The following MDGA2 variants were observed in gnomAD, a reference collection of about 807,000 sequenced individuals.
MDGA2 encodes the protein MAM domain containing glycosylphosphatidylinositol anchor 2, also known as MAM domain-containing glycosylphosphatidylinositol anchor protein 2.
MDGA2 carries 40 observed loss-of-function variants against 117.8 expected under a neutral mutation model. The observed-to-expected ratio is 0.34, with a 90% CI of 0.26 to 0.44. MDGA2 has a LOEUF of 0.44. Ranked by LOEUF, MDGA2 falls within the 20% of genes least tolerant of loss-of-function variation. The probability of loss-of-function intolerance (pLI) is 1.00; values close to 1 mark genes in which losing one functional copy is unlikely to be tolerated. For missense variants in MDGA2, 1,123 were observed against 1,250.6 expected, an observed-to-expected ratio of 0.90 and a Z score of 1.54; for synonymous variants, 452 against 439.0, an observed-to-expected ratio of 1.03 and a Z score of -0.37.
At chr14:47,371,935 C>T (rs1270309163) in intron 1 of MDGA2, among the ~76,000 whole-genome samples, 1 of 151,494 alleles carries the variant, frequency 6.6e-6, no homozygotes. Context: ...ATACTGTAAT[C>T]TTTCAATTAT....
chr14:47,329,494 C>T (rs1890235576), intron 1 of MDGA2, among the ~76,000 whole-genome samples: 2 of 152,046 alleles, frequency 1.3e-5, no homozygotes, highest in Non-Finnish European at 2.9e-5. Context: ...AGTTGATATT[C>T]TTCAAAAGCT....
chr14:47,251,295 T>C (rs78857640), intron 2 of MDGA2, among the ~76,000 whole-genome samples: 3,369 of 152,262 alleles, frequency 0.022, 120 homozygotes, highest in African/African-American at 0.076. Context: ...TTCACATGGA[T>C]CAGGTCTTTC....
intron 10 of MDGA2, among the ~76,000 whole-genome samples, chr14:46,891,759 T>G (rs1882892815): frequency 6.6e-6 from 1 of 151,582 alleles, no homozygotes; most frequent in Non-Finnish European, 1.5e-5. Context: ...AAAATTCTAG[T>G]AACTACAATT....
intron 1 of MDGA2, among the ~76,000 whole-genome samples, chr14:47,427,512 T>C (rs1408378714): frequency 2.8e-5 from 4 of 141,816 alleles, no homozygotes; most frequent in African/African-American, 1.0e-4. Context: ...TGTCATTTTG[T>C]AATTATTCAT....
intron 2 of MDGA2, among the ~76,000 whole-genome samples, chr14:47,218,427 A>G (rs1049739245): frequency 1.3e-5 from 2 of 152,186 alleles, no homozygotes; most frequent in Non-Finnish European, 2.9e-5. Context: ...GAATTCATCA[A>G]TTGCCTAGTC....
At chr14:47,649,282 A>G (rs1897592866) in intron 1 of MDGA2, among the ~76,000 whole-genome samples, 1 of 152,186 alleles carries the variant, frequency 6.6e-6, no homozygotes, top group African/African-American at 2.4e-5. Context: ...AAGTTTATCT[A>G]TAGACAAATT....
At chr14:47,316,805 T>C (rs1413017621) in intron 1 of MDGA2, among the ~76,000 whole-genome samples, 2 of 152,096 alleles carry the variant, frequency 1.3e-5, no homozygotes, top group East Asian at 3.9e-4. Flanking sequence ...TAAAATGGCA[T>C]TTTCCATACT....
chr14:46,911,356 G>GTACAACAAAAC (rs1883694532), intron 10 of MDGA2, among the ~76,000 whole-genome samples: 1 of 152,146 alleles, frequency 6.6e-6, no homozygotes, highest in Non-Finnish European at 1.5e-5. Flanking sequence ...GTCCATTACT[G>GTACAACAAAAC]AGTAGTTGTA....
intron 8 of MDGA2, among the ~76,000 whole-genome samples, chr14:47,018,306 CT>C (rs1421526053): frequency 6.6e-6 from 1 of 151,856 alleles, no homozygotes; most frequent in Non-Finnish European, 1.5e-5. Flanking sequence ...TGGCTTAGCA[CT>C]AAGGATAAAG....
chr14:46,874,115 A>G lies in MDGA2; in HGVS notation c.2523T>C (p.Ser841=), dbSNP rs763544335. ...DTDNFDWTKQ[S]TATRNTKYTP... is the part of the protein sequence containing the mutation. ...TATATTTTGTATTTCTTGTTGCTGT[A>G]CTTTGCTTTGTCCAGTCAAAATTAT... The change falls in exon 13 of 17, where the codon AGT becomes AGC. Residue 841 remains serine, a synonymous_variant. Coordinates refer to ENST00000399232, the MANE Select transcript of MDGA2 (RefSeq NM_001113498.3). 1.3e-6 allele frequency: 2 copies of G among 1,555,702 alleles called. No individual in the cohort carries two copies. The highest frequency in any genetic ancestry group is 1.7e-6 in the Non-Finnish European group (2 of 1,152,560).
intron 1 of MDGA2, among the ~76,000 whole-genome samples, chr14:47,628,877 T>C (rs1306897854): frequency 6.6e-6 from 1 of 152,184 alleles, no homozygotes; most frequent in African/African-American, 2.4e-5. Flanking sequence ...GCAGGGACAC[T>C]CATACTCCAC....
chr14:47,063,749 T>G (rs1055740035), intron 6 of MDGA2, among the ~76,000 whole-genome samples: 1 of 150,304 alleles, frequency 6.7e-6, no homozygotes, highest in Non-Finnish European at 1.5e-5. Context: ...TTATTGCATA[T>G]AATAATTTAT....
At chr14:47,195,490 A>ATT (rs1885256795) in intron 3 of MDGA2, among the ~76,000 whole-genome samples, 1 of 152,064 alleles carries the variant, frequency 6.6e-6, no homozygotes, top group African/African-American at 2.4e-5. Context: ...GCCATGGGAA[A>ATT]ATGATAAATA....
chr14:47,405,442 TTC>T (rs1892241349), intron 1 of MDGA2, among the ~76,000 whole-genome samples: 8 of 152,194 alleles, frequency 5.3e-5, no homozygotes, highest in Admixed American at 5.2e-4. Context: ...GAATTAATCA[TTC>T]ATTTCTCTTT....
intron 1 of MDGA2, among the ~76,000 whole-genome samples, chr14:47,433,349 G>A (rs908455607): frequency 5.9e-5 from 9 of 151,986 alleles, no homozygotes; most frequent in African/African-American, 1.4e-4. Flanking sequence ...AAGAAAAAAC[G>A]TGATGTTCCT....
intron 7 of MDGA2, chr14:47,058,501 A>T: frequency 1.0e-6 from 1 of 983,088 alleles, no homozygotes; most frequent in Non-Finnish European, 1.2e-6. Flanking sequence ...CAGGGTTCAT[A>T]AAATTGATAT....
chr14:47,005,027 A>G (rs1472163769), intron 8 of MDGA2, among the ~76,000 whole-genome samples: 1 of 151,654 alleles, frequency 6.6e-6, no homozygotes, highest in East Asian at 1.9e-4. Context: ...TATTATTTAC[A>G]TAGATGATAA....
intron 8 of MDGA2, among the ~76,000 whole-genome samples, chr14:46,997,494 A>G (rs905593896): frequency 3.3e-5 from 5 of 152,184 alleles, no homozygotes; most frequent in African/African-American, 1.2e-4. Context: ...TATTACTTAA[A>G]TAACATTTGG....
intron 1 of MDGA2, among the ~76,000 whole-genome samples, chr14:47,647,683 C>T (rs904822511): frequency 1.3e-5 from 2 of 152,074 alleles, no homozygotes; most frequent in East Asian, 1.9e-4. Flanking sequence ...TGCCACTTTT[C>T]GCCTACCACA....
Sources: gnomAD v4.1 joint callset for allele counts (sites outside exome capture counted in the v4.1 genomes callset) on GRCh38, gnomAD v4.1.1 for gene constraint, MANE v1.5 for transcripts, NCBI Gene and HGNC (gene_info 2026-07-23, HGNC 2026-07-21) for gene names.